Variants in BICRA observed in about 807,000 individuals in gnomAD.
BICRA encodes the protein BRD4 interacting chromatin remodeling complex associated protein.
BICRA carries 31 observed loss-of-function variants against 96.9 expected under a neutral mutation model. The observed-to-expected ratio is 0.32, with a 90% confidence interval of 0.24 to 0.43. The LOEUF (loss-of-function observed/expected upper bound fraction) is 0.43, where lower values mean the gene tolerates loss of function less well. BICRA is among the 20% of genes least tolerant of loss of function. The probability of loss-of-function intolerance (pLI) is 1.00; values close to 1 mark genes in which losing one functional copy is unlikely to be tolerated. For synonymous variants in BICRA, 1,350 were observed against 1,071.8 expected, an observed-to-expected ratio of 1.26 and a Z score of -5.07; for missense variants, 2,283 against 2,190.3, an observed-to-expected ratio of 1.04 and a Z score of -0.84.
chr19:47,632,851 G>A (rs1158704794), intron 1 of BICRA, among the ~76,000 whole-genome samples: 1 of 152,046 alleles, frequency 6.6e-6, no homozygotes, highest in Non-Finnish European at 1.5e-5. Flanking sequence ...AGAAGAACTT[G>A]GGCTCGGATC....
chr19:47,627,235 T>C (rs1346496760), intron 1 of BICRA, among the ~76,000 whole-genome samples: 1 of 152,114 alleles, frequency 6.6e-6, no homozygotes, highest in Non-Finnish European at 1.5e-5. Context: ...GAGAGCAATA[T>C]GTTCCTGAGC....
At chr19:47,612,779 G>T (rs1971928715) in intron 1 of BICRA, among the ~76,000 whole-genome samples, 2 of 152,180 alleles carry the variant, frequency 1.3e-5, no homozygotes, top group Admixed American at 1.3e-4. Flanking sequence ...AAGCCAGACG[G>T]CAGAGACTAG....
chr19:47,681,056 C>T lies in BICRA; in HGVS notation c.1886C>T (p.Pro629Leu). 4 of 1,408,418 alleles carry T rather than the reference C, an allele frequency of 2.8e-6. No homozygotes were observed. Among genetic ancestry groups the T allele is most frequent in the Non-Finnish European group, 3.7e-6 (4 of 1,087,412 alleles). The allele number at this position is 1,408,418 out of a possible 1,614,324, so 87.2% of individuals were successfully genotyped here. A position where few individuals can be genotyped will look rare whatever the true frequency, so the allele number is the denominator to read the frequency against. Reference sequence around the variant, plus strand: ...GTGCAGCCTGCCCCCCAGGCGCCCCCCGCGGTCAGCACACCCCTGCCCCTG... The same window carrying T: ...GTGCAGCCTGCCCCCCAGGCGCCCCTCGCGGTCAGCACACCCCTGCCCCTG... ...LTVQPAPQAP[P>L]AVSTPLPLGL... is the part of the protein sequence containing the mutation. Residue 629 changes from proline (P) to leucine (L), a missense_variant, in exon 6 of 15, where the codon CCC becomes CTC. Coordinates refer to ENST00000594866, the MANE Select transcript of BICRA (RefSeq NM_001394372.1).
At chr19:47,612,682 T>A (rs1039094618) in intron 1 of BICRA, among the ~76,000 whole-genome samples, 7 of 151,442 alleles carry the variant, frequency 4.6e-5, no homozygotes, top group Admixed American at 3.9e-4. Flanking sequence ...TCACCCAGTG[T>A]AGGAGGTAAT....
At position 47,625,622 on chromosome 19, in the gene BICRA, G is replaced by A. The variant is rs1972129028; in HGVS notation, c.-108+16454G>A. On this transcript the variant is annotated intron_variant, in intron 1 of 14. Transcript: ENST00000594866. ...GGTTGGGTTTGGATTGGGTTTTTGAGTTTCTGAGCTGAGTTGGAGGCTTAG... is the reference window on the plus strand; with the variant it reads ...GGTTGGGTTTGGATTGGGTTTTTGAATTTCTGAGCTGAGTTGGAGGCTTAG... Among the ~76,000 whole-genome samples, 3 of 152,216 alleles carry A rather than the reference G, an allele frequency of 2.0e-5. No homozygotes were observed. In the South Asian group the frequency reaches 6.2e-4, roughly 32 times the overall value.
rs1973439169 is a variant in BICRA at position 47,701,349 on chromosome 19, G to A, written c.3617G>A (p.Arg1206His). ...GCAGACGAGTACGTGTCTTCCTCCC[G>A]CTCGCTCGGCCTCCCCATCGCAGCC... ...EKPDEYVSSS[R>H]SLGLPIAASS... Residue 1206 changes from arginine (R) to histidine (H), a missense_variant, in exon 15 of 15, where the codon CGC becomes CAC. Transcript: ENST00000594866. The surrounding 1 kb of genome is among the most constrained non-coding windows in gnomAD (Gnocchi z 5.4). The A allele has an allele frequency of 6.2e-7, 1 of 1,610,888 alleles. No individual in the cohort carries two copies. The highest frequency in any genetic ancestry group is 8.5e-7 in the Non-Finnish European group (1 of 1,179,256).
chr19:47,613,216 G>GCCAGGAAC (rs1971935126), intron 1 of BICRA, among the ~76,000 whole-genome samples: 1 of 152,076 alleles, frequency 6.6e-6, no homozygotes, highest in Non-Finnish European at 1.5e-5. Context: ...TCCTGGGGGT[G>GCCAGGAAC]TATAAGGCTC....
intron 1 of BICRA, among the ~76,000 whole-genome samples, chr19:47,639,490 G>A (rs898714988): frequency 6.6e-6 from 1 of 151,222 alleles, no homozygotes; most frequent in South Asian, 2.1e-4. Context: ...CTACACACCA[G>A]GCTAATTTTT....
In BICRA at chr19:47,660,945, C is replaced by T. The variant is rs141443151; in HGVS notation, c.-107-9498C>T. On this transcript the variant is annotated intron_variant, in intron 1 of 14. Coordinates refer to ENST00000594866, the MANE Select transcript of BICRA (RefSeq NM_001394372.1). Reference sequence around the variant, plus strand: ...AAGCACTTTGCCGGGCGTGGTGGCTCACGCCTCTAATCCCAGCACTTTGGG... The same window carrying T: ...AAGCACTTTGCCGGGCGTGGTGGCTTACGCCTCTAATCCCAGCACTTTGGG... Among the ~76,000 whole-genome samples, 200 of 152,320 alleles carry T rather than the reference C, an allele frequency of 1.3e-3. 1 individual carries two copies. The highest frequency in any genetic ancestry group is 4.5e-3 in the African/African-American group (185 of 41,572).
chr19:47,674,312 G>GCC (rs879633043), intron 4 of BICRA, among the ~76,000 whole-genome samples: 37,588 of 151,834 alleles, frequency 0.25, 5,124 homozygotes, highest in East Asian at 0.4. Context: ...AAGTCACCAG[G>GCC]TTGTGTAGGC....
intron 1 of BICRA, 94 bp downstream of exon 1, chr19:47,609,262 G>A (rs1971856700): frequency 1.3e-5 from 2 of 151,562 alleles, no homozygotes; most frequent in East Asian, 2.0e-4. Flanking sequence ...AGCGAGGGGG[G>A]AGTGGGGGTT....
At chr19:47,693,523 C>T (rs930636858) in intron 7 of BICRA, among the ~76,000 whole-genome samples, 25 of 152,258 alleles carry the variant, frequency 1.6e-4, no homozygotes, top group African/African-American at 5.5e-4. Flanking sequence ...GAACCCAGGC[C>T]TGTCCCTGTG....
chr19:47,627,087 G>A (rs2123517950), intron 1 of BICRA, among the ~76,000 whole-genome samples: 1 of 152,272 alleles, frequency 6.6e-6, no homozygotes, highest in African/African-American at 2.4e-5. Flanking sequence ...CCACAGCTGG[G>A]AAGCTCCTTT....
At chr19:47,637,962 C>A (rs1972325195) in intron 1 of BICRA, among the ~76,000 whole-genome samples, 2 of 152,174 alleles carry the variant, frequency 1.3e-5, no homozygotes, top group South Asian at 4.1e-4. Flanking sequence ...GGTCCATTCC[C>A]CTTTGGCTAT....
chr19:47,653,940 C>G (rs945412458), intron 1 of BICRA, among the ~76,000 whole-genome samples: 64 of 152,162 alleles, frequency 4.2e-4, no homozygotes, highest in African/African-American at 1.5e-3. Flanking sequence ...TCAAGTGACT[C>G]TCCTGCCTCA....
At chr19:47,685,786 T>TGTGTGTGTGCGCGCGC in intron 7 of BICRA, among the ~76,000 whole-genome samples, 50 of 117,960 alleles carry the variant, frequency 4.2e-4, no homozygotes, top group Admixed American at 1.5e-3. Flanking sequence ...TGTGTGTGTG[T>TGTGTGTGTGCGCGCGC]GCGCGCGCGC....
At chr19:47,610,608 A>ACCCCCCC (rs35080234) in intron 1 of BICRA, among the ~76,000 whole-genome samples, 4 of 135,004 alleles carry the variant, frequency 3.0e-5, no homozygotes, top group Non-Finnish European at 6.3e-5. Flanking sequence ...CCCTTTTGTC[A>ACCCCCCC]CCCCCCCCCC....
Position 47,701,066 on chromosome 19 carries a change from T to G in BICRA, c.3596-262T>G. ...GTGCTGGGATTACAGGCCTGAGCCTTGTTTTGTATTCTCTTAATTTACTTA... is the reference window on the plus strand; with the variant it reads ...GTGCTGGGATTACAGGCCTGAGCCTGGTTTTGTATTCTCTTAATTTACTTA... On this transcript the variant is annotated intron_variant, in intron 14 of 14. Transcript: ENST00000594866. This position sits in a 1 kb window ranked among gnomAD's most constrained non-coding sequence, Gnocchi z 5.4. 2.1e-5 allele frequency: 10 copies of G among 480,704 alleles called. No homozygotes were observed. The highest frequency in any genetic ancestry group is 5.5e-4 in the Middle Eastern group (1 of 1,812). 29.8% of individuals were successfully genotyped at this position (480,704 alleles called of 1,614,324 possible).
In BICRA at chr19:47,699,368, C is replaced by A; in HGVS notation, c.3558C>A (p.Thr1186=). The change falls in exon 14 of 15, where the codon ACC becomes ACA. Residue 1186 remains threonine, a synonymous_variant. Coordinates refer to ENST00000594866, the MANE Select transcript of BICRA (RefSeq NM_001394372.1). This position sits in a 1 kb window ranked among gnomAD's most constrained non-coding sequence, Gnocchi z 5.0. ...TGTTCATTCAGGAGGAGAAGACCAC[C>A]CTTGCCTTGGATAAACAGCTGGCCA... ...DRMFIQEEKT[T]LALDKQLAKE... The A allele has an allele frequency of 6.4e-7, 1 of 1,568,296 alleles. No individual in the cohort carries two copies. Among genetic ancestry groups the A allele is most frequent in the Non-Finnish European group, 8.6e-7 (1 of 1,156,642 alleles).
Sources: allele counts gnomAD v4.1 joint callset (sites outside exome capture counted in the v4.1 genomes callset), GRCh38; gene constraint gnomAD v4.1.1; non-coding constraint Gnocchi (gnomAD v3.1); transcripts MANE v1.5; gene names NCBI Gene and HGNC (gene_info 2026-07-23, HGNC 2026-07-21).